The following OR2A14 variants were observed in gnomAD, a reference collection of about 807,000 sequenced individuals.
OR2A14 encodes the protein olfactory receptor family 2 subfamily A member 14, also known as olfactory receptor 2A14.
OR2A14 carries 2 observed loss-of-function variants against 2.4 expected under a neutral mutation model. The ratio of observed to expected loss-of-function variants is 0.85; its 90% CI spans 0.35 to 2.67. The LOEUF (loss-of-function observed/expected upper bound fraction) is 2.67. OR2A14 is among the 30% of genes most tolerant of loss of function. OR2A14 has a pLI of 0.10. For synonymous variants in OR2A14, 160 were observed against 156.3 expected (o/e 1.02, Z -0.18); for missense variants, 390 against 379.4 (o/e 1.03, Z -0.23).
chr7:144,127,187 T>G (rs1263185838), intron 1 of OR2A14, among the ~76,000 whole-genome samples: 2 of 152,214 alleles, frequency 1.3e-5, no homozygotes, highest in East Asian at 1.9e-4. Context: ...CTTAGAACAG[T>G]GGCTGAAACA....
rs2051520178 is a variant in OR2A14 at position 144,130,049 on chromosome 7, A to C, written c.*4A>C. The C allele has an allele frequency of 1.2e-6, 2 of 1,604,174 alleles. No individual in the cohort carries two copies. Among genetic ancestry groups the C allele is most frequent in the Non-Finnish European group, 1.7e-6 (2 of 1,174,202 alleles). Reference sequence around the variant, plus strand: ...GAGGAAGGAGAGGCTGACGTGAGACATCTCAAAGGGAACCATGGGGAGGGA... The same window carrying C: ...GAGGAAGGAGAGGCTGACGTGAGACCTCTCAAAGGGAACCATGGGGAGGGA... On this transcript the variant is annotated 3_prime_UTR_variant, in exon 2 of 2. Coordinates refer to ENST00000641068, the MANE Select transcript of OR2A14 (RefSeq NM_001001659.3).
At chr7:144,123,384 CCTT>C (rs2051459392) in intron 1 of OR2A14, 120 bp downstream of exon 1, 1 of 152,204 alleles carries the variant, frequency 6.6e-6, no homozygotes, top group Non-Finnish European at 1.5e-5. Context: ...TATGTGGTCT[CCTT>C]CTGCTTCTAA....
rs201784448 is a variant in OR2A14 at position 144,129,494 on chromosome 7, C to T, written c.382C>T (p.Pro128Ser). 6.2e-7 allele frequency: 1 copy of T among 1,614,128 alleles called. No individual in the cohort carries two copies. The highest frequency in any genetic ancestry group is 2.2e-5 in the East Asian group (1 of 44,886). Residue 128 changes from proline to serine, a missense_variant, in exon 2 of 2, where the codon CCC becomes TCC. Pro to Ser is a moderately conservative substitution (Grantham distance 74). Coordinates refer to ENST00000641068, the MANE Select transcript of OR2A14 (RefSeq NM_001001659.3). ...TGATCGCTATGCGGACATCTGCCACCCCTTACGTTACAATAGCCTCATGAG... is the reference window on the plus strand; with the variant it reads ...TGATCGCTATGCGGACATCTGCCACTCCTTACGTTACAATAGCCTCATGAG... Reference protein sequence around the residue: ...SYDRYADICHPLRYNSLMSWR... With the variant: ...SYDRYADICHSLRYNSLMSWR...
At chr7:144,129,058 G>A in intron 1 of OR2A14, 21 bp from the exon 2 acceptor site, 1 of 1,356,958 alleles carries the variant, frequency 7.4e-7, no homozygotes, top group Non-Finnish European at 1.0e-6. Context: ...CTCCCTCTGT[G>A]CATCTTTGAC....
In OR2A14 at chr7:144,125,630, A is replaced by G. The variant is rs142943238; in HGVS notation, c.-35+2366A>G. Among the ~76,000 whole-genome samples, 448 of 152,346 alleles carry G rather than the reference A, an allele frequency of 2.9e-3. 3 individuals are homozygous for G. The highest frequency in any genetic ancestry group is 0.01 in the African/African-American group (429 of 41,580). On this transcript the variant is annotated intron_variant, in intron 1 of 1. Coordinates refer to ENST00000641068, the MANE Select transcript of OR2A14 (RefSeq NM_001001659.3). Reference sequence around the variant, plus strand: ...TTTCTCCTTGTGGCCTCTTGTACACAACTGTTAAAAGCACAGTTGATAACC... The same window carrying G: ...TTTCTCCTTGTGGCCTCTTGTACACGACTGTTAAAAGCACAGTTGATAACC...
chr7:144,130,078 T>A lies in OR2A14; in HGVS notation c.*33T>A. ...CAAAGGGAACCATGGGGAGGGAGCC[T>A]TGCTCCCTGCAAAATATAGAAGTTG... On this transcript the variant is annotated 3_prime_UTR_variant, in exon 2 of 2. Transcript: ENST00000641068. The A allele has an allele frequency of 6.6e-7, 1 of 1,521,622 alleles. No individual in the cohort carries two copies. The highest frequency in any genetic ancestry group is 1.2e-5 in the South Asian group (1 of 81,654). 94.3% of individuals were successfully genotyped at this position (1,521,622 alleles called of 1,614,324 possible). A position where few individuals can be genotyped will look rare whatever the true frequency, so the allele number is the denominator to read the frequency against.
rs2051522311 is a variant in OR2A14, at chr7:144,130,257, A to G, written c.*212A>G. ...GCATAAATTCATAAAGAAGACACAA[A>G]AGTCCCTAGATATAAAATTTTTAAG... On this transcript the variant is annotated 3_prime_UTR_variant, in exon 2 of 2. Transcript: ENST00000641068. 2.4e-6 allele frequency: 1 copy of G among 414,328 alleles called. No homozygotes were observed. The highest frequency in any genetic ancestry group is 3.8e-5 in the East Asian group (1 of 26,532). 25.7% of individuals were successfully genotyped at this position (414,328 alleles called of 1,614,324 possible). A position where few individuals can be genotyped will look rare whatever the true frequency, so the allele number is the denominator to read the frequency against.
Position 144,129,995 on chromosome 7 carries a change from G to T in OR2A14, c.883G>T (p.Glu295Ter), listed in dbSNP as rs1256346154. ...CCTGATATATAGCCTAAGGAATGCA[G>T]AGGTCAAGGGCGCCCTGAGGAGGGC... ...NPLIYSLRNA[E>*]VKGALRRALR... Residue 295 changes from glutamate to a stop codon, truncating the protein, a stop_gained, in exon 2 of 2, where the codon GAG becomes TAG. Coordinates refer to ENST00000641068, the MANE Select transcript of OR2A14 (RefSeq NM_001001659.3). LOFTEE classifies it high-confidence loss of function. 1 of 1,614,156 alleles carries T rather than the reference G, an allele frequency of 6.2e-7. No homozygotes were observed. The highest frequency in any genetic ancestry group is 1.7e-5 in the Admixed American group (1 of 60,026).
intron 1 of OR2A14, among the ~76,000 whole-genome samples, chr7:144,125,433 C>T (rs1032266621): frequency 2.0e-5 from 3 of 152,128 alleles, no homozygotes; most frequent in Non-Finnish European, 2.9e-5. Flanking sequence ...CTTCCACAGG[C>T]TTTTCTAAAA....
At position 144,128,656 on chromosome 7, in the gene OR2A14, C is replaced by T. The variant is rs374726031; in HGVS notation, c.-34-423C>T. Among the ~76,000 whole-genome samples, 16 of 152,318 alleles carry T rather than the reference C, an allele frequency of 1.1e-4. No individual in the cohort carries two copies. The East Asian group carries it at 3.1e-3, about 29-fold the overall frequency. On this transcript the variant is annotated intron_variant, in intron 1 of 1. Coordinates refer to ENST00000641068, the MANE Select transcript of OR2A14 (RefSeq NM_001001659.3). Reference sequence around the variant, plus strand: ...ACAGAGGGTCCCCGTCCCTGCACATCTCAGACTGAGAAGGAAGCAGGATGA... The same window carrying T: ...ACAGAGGGTCCCCGTCCCTGCACATTTCAGACTGAGAAGGAAGCAGGATGA...
At chr7:144,123,311 A>G (rs1406765) in intron 1 of OR2A14, 47 bp downstream of exon 1, 57,621 of 152,116 alleles carry the variant, frequency 0.38, 11,720 homozygotes, top group East Asian at 0.74. Context: ...TTACAGATGG[A>G]AATGGGAAAG....
In OR2A14 at chr7:144,127,902, T is replaced by C. The variant is rs900614816; in HGVS notation, c.-34-1177T>C. Among the ~76,000 whole-genome samples, 22 of 152,310 alleles carry C rather than the reference T, an allele frequency of 1.4e-4. No homozygotes were observed. The South Asian group carries it at 4.6e-3, about 32-fold the overall frequency. On this transcript the variant is annotated intron_variant, in intron 1 of 1. Transcript: ENST00000641068. The stretch of plus-strand genomic sequence containing the variant: ...AGGCCATCCGTCCTGTTCATGGCCC[T>C]TGGTCGCCCCCTGCTGGCTGGATAG...
At chr7:144,123,696 C>A (rs2051461258) in intron 1 of OR2A14, among the ~76,000 whole-genome samples, 3 of 152,096 alleles carry the variant, frequency 2.0e-5, no homozygotes, top group Admixed American at 2.0e-4. Context: ...GTTTGCTTAC[C>A]CAGGGATGTA....
At chr7:144,127,472 T>A (rs1039878712) in intron 1 of OR2A14, among the ~76,000 whole-genome samples, 3 of 152,188 alleles carry the variant, frequency 2.0e-5, no homozygotes, top group Non-Finnish European at 4.4e-5. Context: ...TAAATAATTA[T>A]GAATATAGGC....
intron 1 of OR2A14, 94 bp from the exon 2 acceptor site, chr7:144,128,985 G>A (rs1158171803): frequency 9.2e-6 from 7 of 764,148 alleles, no homozygotes; most frequent in African/African-American, 1.8e-5. Context: ...CACTTGGTTA[G>A]TTTTGGCAAC....
At chr7:144,125,226 AC>A in intron 1 of OR2A14, among the ~76,000 whole-genome samples, 1 of 152,148 alleles carries the variant, frequency 6.6e-6, no homozygotes, top group Admixed American at 6.5e-5. Context: ...CAAGACTGTT[AC>A]TCCTGTTGCT....
Position 144,129,767 on chromosome 7 carries a change from C to T in OR2A14, c.655C>T (p.Arg219Cys), listed in dbSNP as rs183492758. Residue 219 changes from arginine to cysteine, a missense_variant, in exon 2 of 2, where the codon CGC (arginine) becomes TGC (cysteine). Coordinates refer to ENST00000641068, the MANE Select transcript of OR2A14 (RefSeq NM_001001659.3). ...PLCLVLVSYL[R>C]ILAAILRIQS... ...CTGCCTGGTGCTGGTCTCCTACTTGCGCATCCTGGCCGCCATCTTGAGGAT... is the reference window on the plus strand; with the variant it reads ...CTGCCTGGTGCTGGTCTCCTACTTGTGCATCCTGGCCGCCATCTTGAGGAT... 75 of 1,614,002 alleles carry T rather than the reference C, an allele frequency of 4.6e-5. No individual in the cohort carries two copies. Among genetic ancestry groups the T allele is most frequent in the South Asian group, 1.1e-4 (10 of 91,060 alleles).
rs1206406299 is a variant in OR2A14 at position 144,128,932 on chromosome 7, T to C, written c.-34-147T>C. ...CACATATACATGTATGTATTCTTAT[T>C]ATTCCATTGATACAATGCGATTTTT... On this transcript the variant is annotated intron_variant, in intron 1 of 1. Transcript: ENST00000641068. 13 of 574,828 alleles carry C rather than the reference T, an allele frequency of 2.3e-5. No homozygotes were observed. In the African/African-American group the frequency reaches 2.7e-4, roughly 12 times the overall value. The allele number at this position is 574,828 out of a possible 1,614,324, so 35.6% of individuals were successfully genotyped here.
chr7:144,130,133 A>T lies in OR2A14; in HGVS notation c.*88A>T. The T allele has an allele frequency of 9.8e-7, 1 of 1,015,236 alleles. No individual in the cohort carries two copies. The highest frequency in any genetic ancestry group is 1.5e-6 in the Non-Finnish European group (1 of 682,544). The allele number at this position is 1,015,236 out of a possible 1,614,324, so 62.9% of individuals were successfully genotyped here. A position where few individuals can be genotyped will look rare whatever the true frequency, so the allele number is the denominator to read the frequency against. ...TTTTTTTTTGTCTTCTGCTAGAATA[A>T]ATGCTACCTTAAACTGGAATACTAT... On this transcript the variant is annotated 3_prime_UTR_variant, in exon 2 of 2. Coordinates refer to ENST00000641068, the MANE Select transcript of OR2A14 (RefSeq NM_001001659.3).
Sources: gnomAD v4.1 joint callset for allele counts (sites outside exome capture counted in the v4.1 genomes callset) on GRCh38, gnomAD v4.1.1 for gene constraint, MANE v1.5 for transcripts, NCBI Gene and HGNC (gene_info 2026-07-23, HGNC 2026-07-21) for gene names.